CDH11: variants seen among roughly 807,000 people sequenced by gnomAD.
The protein encoded by CDH11 is cadherin-11.
CDH11 carries 11 observed loss-of-function variants against 67.8 expected under a neutral mutation model. That is an observed-to-expected ratio of 0.16 (90% CI 0.10 to 0.27). The LOEUF (loss-of-function observed/expected upper bound fraction) is 0.27. Among genes scored for constraint, CDH11 ranks in the 10% least tolerant of loss-of-function variants. The pLI, the probability that CDH11 is intolerant of heterozygous loss-of-function variation, is 1.00. For missense variants in CDH11, 847 were observed against 1,031.2 expected (o/e 0.82, Z 2.45); for synonymous variants, 419 against 400.0 (o/e 1.05, Z -0.57).
intron 11 of CDH11, among the ~76,000 whole-genome samples, chr16:64,960,839 A>G (rs1406774136): frequency 6.6e-6 from 1 of 151,996 alleles, no homozygotes; most frequent in Admixed American, 6.6e-5. Flanking sequence ...TAAAAAAGAG[A>G]GAGAGAGAGG....
intron 9 of CDH11, 102 bp downstream of exon 9, chr16:64,972,802 C>G (rs2072044557): frequency 8.0e-7 from 1 of 1,253,936 alleles, no homozygotes; most frequent in African/African-American, 1.5e-5. Context: ...TGTTTAAGAC[C>G]AAAAAAGTTA....
chr16:65,071,674 A>AGACC (rs1238065179), intron 1 of CDH11, among the ~76,000 whole-genome samples: 3 of 152,344 alleles, frequency 2.0e-5, no homozygotes, highest in African/African-American at 7.2e-5. Flanking sequence ...TCTCAAAGAT[A>AGACC]GACCGGAACA....
At chr16:65,053,686 T>G (rs2074095659) in intron 2 of CDH11, 118 bp downstream of exon 2, 1 of 403,428 alleles carries the variant, frequency 2.5e-6, no homozygotes, top group East Asian at 7.2e-5. Context: ...AGATTCTACT[T>G]TTGGCTTTAG....
chr16:65,115,677 A>C (rs1427295842), intron 1 of CDH11, among the ~76,000 whole-genome samples: 1 of 145,520 alleles, frequency 6.9e-6, no homozygotes, highest in Non-Finnish European at 1.5e-5. Flanking sequence ...TGGAGGCAAA[A>C]CTCCTCACTC....
intron 6 of CDH11, among the ~76,000 whole-genome samples, chr16:64,990,001 G>A (rs1473315874): frequency 6.6e-6 from 1 of 152,076 alleles, no homozygotes; most frequent in South Asian, 2.1e-4. Flanking sequence ...CTATATTAAA[G>A]GATGAGTGGG....
intron 1 of CDH11, among the ~76,000 whole-genome samples, chr16:65,093,443 G>A (rs2074829172): frequency 6.6e-6 from 1 of 151,972 alleles, no homozygotes. Flanking sequence ...GTGGCTCTGA[G>A]CCTAATAAAC....
At chr16:64,995,980 A>T (rs547044979) in intron 4 of CDH11, among the ~76,000 whole-genome samples, 12 of 152,362 alleles carry the variant, frequency 7.9e-5, no homozygotes, top group African/African-American at 2.6e-4. Context: ...TGGCTTACAA[A>T]TATAAAAAAA....
intron 2 of CDH11, among the ~76,000 whole-genome samples, chr16:65,008,494 C>T (rs2073110217): frequency 6.6e-6 from 1 of 152,130 alleles, no homozygotes; most frequent in South Asian, 2.1e-4. Context: ...AGTTCTTTTC[C>T]TTAGCTACTG....
At chr16:64,976,162 T>G (rs2072160124) in intron 8 of CDH11, among the ~76,000 whole-genome samples, 1 of 152,064 alleles carries the variant, frequency 6.6e-6, no homozygotes, top group Admixed American at 6.5e-5. Context: ...AAGATCAGCC[T>G]AGGAGCAGGA....
intron 2 of CDH11, among the ~76,000 whole-genome samples, chr16:65,051,055 G>T (rs1669791438): frequency 6.6e-6 from 1 of 152,180 alleles, no homozygotes; most frequent in Non-Finnish European, 1.5e-5. Context: ...GCTGAGCCAG[G>T]CTTCGGAGCA....
intron 4 of CDH11, among the ~76,000 whole-genome samples, chr16:64,998,327 C>A (rs2072827375): frequency 6.6e-6 from 1 of 152,216 alleles, no homozygotes; most frequent in African/African-American, 2.4e-5. Flanking sequence ...GTGTCATTAC[C>A]TATTAGACAT....
At chr16:64,966,511 G>A (rs1047895617) in intron 11 of CDH11, among the ~76,000 whole-genome samples, 6 of 151,766 alleles carry the variant, frequency 4.0e-5, no homozygotes, top group Non-Finnish European at 8.8e-5. Flanking sequence ...TATGATACCA[G>A]TAAATAGACA....
chr16:64,946,153 T>C lies in CDH11; in HGVS notation c.*1450A>G. 9.5e-7 allele frequency: 1 copy of C among 1,054,678 alleles called. No individual in the cohort carries two copies. Among genetic ancestry groups the C allele is most frequent in the Admixed American group, 5.5e-5 (1 of 18,272 alleles). 65.3% of individuals were successfully genotyped at this position (1,054,678 alleles called of 1,614,324 possible). On this transcript the variant is annotated 3_prime_UTR_variant, in exon 13 of 13. Transcript: ENST00000268603. ...CAAGCATATTCTAAACAAAGCTTTTTTAAATGAATCGCCCATTCTCATTAA... is the reference window on the plus strand; with the variant it reads ...CAAGCATATTCTAAACAAAGCTTTTCTAAATGAATCGCCCATTCTCATTAA...
chr16:65,011,198 T>C (rs1033480635), intron 2 of CDH11, among the ~76,000 whole-genome samples: 5 of 151,458 alleles, frequency 3.3e-5, no homozygotes, highest in African/African-American at 1.2e-4. Flanking sequence ...CCCACCCAAG[T>C]ACACCCTGAA....
At chr16:64,981,498 C>T (rs1020632594) in intron 8 of CDH11, 1 of 152,082 alleles carries the variant, frequency 6.6e-6, no homozygotes, top group African/African-American at 2.4e-5. Context: ...ACTACTTTTA[C>T]AAAGTACTCA....
chr16:65,115,038 T>A (rs1841349585), intron 1 of CDH11, among the ~76,000 whole-genome samples: 2 of 152,212 alleles, frequency 1.3e-5, no homozygotes, highest in Admixed American at 1.3e-4. Flanking sequence ...ACTAATTATC[T>A]TTTGAGCTAG....
chr16:64,949,235 T>G (rs1230677328), intron 12 of CDH11, among the ~76,000 whole-genome samples: 1 of 152,106 alleles, frequency 6.6e-6, no homozygotes. Flanking sequence ...ATTTATCACA[T>G]GGTTTACACA....
chr16:65,035,637 C>T (rs1597117600), intron 2 of CDH11, among the ~76,000 whole-genome samples: 1 of 150,446 alleles, frequency 6.6e-6, no homozygotes, highest in African/African-American at 2.5e-5. Context: ...TATGGAATAC[C>T]TGGAGTAGAG....
chr16:65,042,989 G>C (rs1165271316), intron 2 of CDH11, among the ~76,000 whole-genome samples: 1 of 152,160 alleles, frequency 6.6e-6, no homozygotes, highest in Admixed American at 6.5e-5. Context: ...CAATCAGCAG[G>C]GCTCTGGTGA....
Sources: gnomAD v4.1 joint callset for allele counts (sites outside exome capture counted in the v4.1 genomes callset) on GRCh38, gnomAD v4.1.1 for gene constraint, MANE v1.5 for transcripts, NCBI Gene and HGNC (gene_info 2026-07-23, HGNC 2026-07-21) for gene names.